BANP: variants seen among roughly 807,000 people sequenced by gnomAD.
The protein encoded by BANP is protein BANP.
BANP carries 11 observed loss-of-function variants against 68.1 expected under a neutral mutation model. The ratio of observed to expected loss-of-function variants is 0.16; its 90% CI spans 0.10 to 0.27. BANP has a LOEUF of 0.27. BANP is among the 10% of genes least tolerant of loss of function. The pLI is 1.00. For missense variants in BANP, 504 were observed against 722.7 expected, an observed-to-expected ratio of 0.70 and a Z score of 3.47; for synonymous variants, 329 against 303.2, an observed-to-expected ratio of 1.09 and a Z score of -0.88.
chr16:87,961,507 C>A (rs1017353103), intron 1 of BANP, among the ~76,000 whole-genome samples: 1 of 150,896 alleles, frequency 6.6e-6, no homozygotes, highest in Non-Finnish European at 1.5e-5. Flanking sequence ...AACAACATAT[C>A]GGAGCAGACC....
At chr16:88,050,331 T>A (rs1425968330) in intron 11 of BANP, among the ~76,000 whole-genome samples, 1 of 152,038 alleles carries the variant, frequency 6.6e-6, no homozygotes, top group Non-Finnish European at 1.5e-5. Flanking sequence ...GATTTTTGTA[T>A]TTTTTTGTAG....
intron 11 of BANP, among the ~76,000 whole-genome samples, chr16:88,051,268 G>A (rs185900660): frequency 2.2e-4 from 34 of 152,350 alleles, no homozygotes; most frequent in East Asian, 1.9e-3. Flanking sequence ...GGGGCAAAAT[G>A]TCCATGCCAG....
intron 2 of BANP, among the ~76,000 whole-genome samples, chr16:87,979,284 T>C (rs1462741300): frequency 6.6e-6 from 1 of 152,146 alleles, no homozygotes; most frequent in Non-Finnish European, 1.5e-5. Flanking sequence ...GCACTTGGCT[T>C]TCCTCTAGCA....
At chr16:88,061,028 GC>G (rs2086621275) in intron 11 of BANP, among the ~76,000 whole-genome samples, 1 of 152,136 alleles carries the variant, frequency 6.6e-6, no homozygotes, top group Admixed American at 6.5e-5. Context: ...CAGGAGCGCC[GC>G]CCTGCTGGAA....
chr16:88,060,839 C>G (rs369243453), intron 11 of BANP, among the ~76,000 whole-genome samples: 1 of 152,114 alleles, frequency 6.6e-6, no homozygotes, highest in South Asian at 2.1e-4. Flanking sequence ...ATTTTCTTCC[C>G]ACTCTTCGTC....
intron 4 of BANP, among the ~76,000 whole-genome samples, chr16:87,985,780 C>G (rs1044753102): frequency 1.3e-5 from 2 of 152,156 alleles, no homozygotes; most frequent in Non-Finnish European, 2.9e-5. Flanking sequence ...ACTGGGAGTT[C>G]AGCCCCCAGC....
intron 9 of BANP, among the ~76,000 whole-genome samples, chr16:88,034,264 C>G (rs2078828192): frequency 6.6e-6 from 1 of 152,318 alleles, no homozygotes; most frequent in South Asian, 2.1e-4. Flanking sequence ...AACGGCAGTT[C>G]CTCTCATCTT....
chr16:87,983,884 G>T (rs1464595886), intron 3 of BANP, among the ~76,000 whole-genome samples, 176 bp from the exon 4 acceptor site: 5 of 152,186 alleles, frequency 3.3e-5, no homozygotes, highest in Non-Finnish European at 1.5e-5. Context: ...TGTGTAAAAT[G>T]TGGACGTGTT....
At chr16:88,069,671 C>G (rs1046698194) in intron 12 of BANP, among the ~76,000 whole-genome samples, 3 of 152,236 alleles carry the variant, frequency 2.0e-5, no homozygotes, top group Admixed American at 2.0e-4. Context: ...TAAATGGCAC[C>G]TGCACCCCAG....
At chr16:88,006,567 G>T (rs1427967203) in intron 6 of BANP, among the ~76,000 whole-genome samples, 1 of 148,346 alleles carries the variant, frequency 6.7e-6, no homozygotes. Context: ...AATCGCTTGA[G>T]CCTGGGAGGT....
At chr16:88,017,209 A>T (rs1008267680) in intron 6 of BANP, 12 of 152,340 alleles carry the variant, frequency 7.9e-5, no homozygotes, top group African/African-American at 2.6e-4. Flanking sequence ...GGGTGGCATG[A>T]CTGTAGCCAG....
rs1408526297 is a variant in BANP at position 88,039,768 on chromosome 16, G to T, written c.1311+1757G>T. Among the ~76,000 whole-genome samples, 7 of 143,232 alleles carry T rather than the reference G, an allele frequency of 4.9e-5. 1 individual carries two copies. Among genetic ancestry groups the T allele is most frequent in the Non-Finnish European group, 9.5e-5 (6 of 63,356 alleles). 94.0% of individuals were successfully genotyped at this position (143,232 alleles called of 152,430 possible). A position where few individuals can be genotyped will look rare whatever the true frequency, so the allele number is the denominator to read the frequency against. ...CGGGGCTGACGTCGGAGGAGTTGCT[G>T]TCTGGATTTCTCTGAACAAGACTCT... is the stretch of plus-strand genomic sequence containing the variant. On this transcript the variant is annotated intron_variant, in intron 11 of 13. Coordinates refer to ENST00000682872, the MANE Select transcript of BANP (RefSeq NM_001386991.1).
chr16:88,012,850 G>GA (rs1188339006), intron 6 of BANP, among the ~76,000 whole-genome samples: 1 of 152,074 alleles, frequency 6.6e-6, no homozygotes, highest in African/African-American at 2.4e-5. Context: ...GACGGCCTAA[G>GA]AAAAAAGGAT....
chr16:87,968,717 C>A (rs558850923), intron 1 of BANP, among the ~76,000 whole-genome samples: 2 of 152,070 alleles, frequency 1.3e-5, no homozygotes, highest in Non-Finnish European at 2.9e-5. Context: ...GTTTCTGCTT[C>A]CCTGGAGCAG....
chr16:88,049,456 C>G (rs1487974886), intron 11 of BANP, among the ~76,000 whole-genome samples: 1 of 152,120 alleles, frequency 6.6e-6, no homozygotes, highest in East Asian at 1.9e-4. Flanking sequence ...ACTGAACCTG[C>G]CCTCTTGGGT....
At chr16:87,985,785 C>A (rs2064271294) in intron 4 of BANP, among the ~76,000 whole-genome samples, 1 of 152,068 alleles carries the variant, frequency 6.6e-6, no homozygotes, top group Admixed American at 6.6e-5. Flanking sequence ...GAGTTCAGCC[C>A]CCAGCTGGTG....
At position 87,984,176 on chromosome 16, in the gene BANP, G is replaced by C. The variant is rs568334040; in HGVS notation, c.279G>C (p.Thr93=). ...TAGAAGAAAAGCTGGATCTGGTCAC[G>C]AACAAGCAGCACAGCCCCATCCAGG... ...KSLEEKLDLV[T]NKQHSPIQVP... The change falls in exon 4 of 14, where the codon ACG becomes ACC. Residue 93 remains threonine (T), a synonymous_variant. Transcript: ENST00000682872. 4.4e-5 allele frequency: 70 copies of C among 1,607,460 alleles called. 2 individuals carry two copies. In the South Asian group the frequency reaches 7.2e-4, roughly 17 times the overall value.
At chr16:88,075,645 T>C (rs1302052756) in intron 13 of BANP, among the ~76,000 whole-genome samples, 1 of 152,094 alleles carries the variant, frequency 6.6e-6, no homozygotes, top group African/African-American at 2.4e-5. Context: ...TCTGGGAGTG[T>C]GCACGGCAGC....
chr16:88,031,490 C>CA (rs917979882), intron 8 of BANP, among the ~76,000 whole-genome samples: 31 of 150,444 alleles, frequency 2.1e-4, no homozygotes, highest in African/African-American at 6.3e-4. Flanking sequence ...CAAAAAAATA[C>CA]AAAAAAAAAT....
Sources: allele counts gnomAD v4.1 joint callset (sites outside exome capture counted in the v4.1 genomes callset), GRCh38; gene constraint gnomAD v4.1.1; transcripts MANE v1.5; gene names NCBI Gene and HGNC (gene_info 2026-07-23, HGNC 2026-07-21).